The following PAPPA variants were observed in gnomAD, a reference collection of about 807,000 sequenced individuals.
PAPPA encodes pappalysin-1.
A neutral mutation model predicts 164.0 loss-of-function variants in PAPPA; 60 were observed. That is an observed-to-expected ratio of 0.37 (90% CI 0.30 to 0.45). The LOEUF is 0.45. PAPPA is among the 20% of genes least tolerant of loss of function. The pLI, the probability that PAPPA is intolerant of heterozygous loss-of-function variation, is 1.00. For missense variants in PAPPA, 1,782 were observed against 2,087.3 expected (o/e 0.85, Z 2.85); for synonymous variants, 875 against 814.1 (o/e 1.07, Z -1.27).
chr9:116,225,805 G>A (rs1017210157), intron 5 of PAPPA, among the ~76,000 whole-genome samples: 5 of 150,358 alleles, frequency 3.3e-5, no homozygotes, highest in African/African-American at 1.2e-4. Flanking sequence ...TAAGTGACTG[G>A]TATCCATCCA....
intron 10 of PAPPA, among the ~76,000 whole-genome samples, chr9:116,305,073 A>C (rs1360180264): frequency 6.6e-6 from 1 of 150,898 alleles, no homozygotes; most frequent in Non-Finnish European, 1.5e-5. Flanking sequence ...ACACACACAC[A>C]CCCTACCACC....
At chr9:116,269,240 G>A (rs556223870) in intron 8 of PAPPA, among the ~76,000 whole-genome samples, 1 of 152,264 alleles carries the variant, frequency 6.6e-6, no homozygotes, top group East Asian at 1.9e-4. Context: ...AATACACAAA[G>A]AGATTACAGA....
rs985922776 is a variant in PAPPA at position 116,154,821 on chromosome 9, C to G, written c.415+234C>G. Among the ~76,000 whole-genome samples the G allele has an allele frequency of 2.0e-5, 3 of 152,180 alleles. No homozygotes were observed. Among genetic ancestry groups the G allele is most frequent in the African/African-American group, 7.2e-5 (3 of 41,468 alleles). On this transcript the variant is annotated intron_variant, in intron 1 of 21. Transcript: ENST00000328252. The surrounding 1 kb of genome is among the most constrained non-coding windows in gnomAD (Gnocchi z 5.2). Reference sequence around the variant, plus strand: ...CCATCCCTGGGAGGAACCTGGGGAGCCCTCCTGGCGGCCCCGCGGACCCTC... The same window carrying G: ...CCATCCCTGGGAGGAACCTGGGGAGGCCTCCTGGCGGCCCCGCGGACCCTC...
At position 116,235,340 on chromosome 9, in the gene PAPPA, C is replaced by T. The variant is rs369438888; in HGVS notation, c.2435C>T (p.Ala812Val). ...FVSTDWDSSG[A>V]VNDIKLLAVS... ...TCCACTGACTGGGACTCTAGTGGAG[C>T]TGTCAATGACATCAAACTGTTGGCT... Residue 812 changes from alanine to valine, a missense_variant, in exon 7 of 22, where the codon GCT becomes GTT. This residue lies in a region of PAPPA where 1,324 missense variants were observed against 1,656.9 expected (regional missense o/e 0.80). Transcript: ENST00000328252. 37 of 1,613,930 alleles carry T rather than the reference C, an allele frequency of 2.3e-5. No homozygotes were observed. The African/African-American group carries it at 4.3e-4, about 19-fold the overall frequency.
At chr9:116,365,195 G>A (rs951982009) in intron 18 of PAPPA, among the ~76,000 whole-genome samples, 2 of 152,104 alleles carry the variant, frequency 1.3e-5, no homozygotes, top group Non-Finnish European at 2.9e-5. Flanking sequence ...GATATGTGTC[G>A]GGCTTGGGGG....
At chr9:116,289,713 T>G (rs1165029677) in intron 9 of PAPPA, among the ~76,000 whole-genome samples, 2 of 152,138 alleles carry the variant, frequency 1.3e-5, no homozygotes, top group Non-Finnish European at 2.9e-5. Context: ...CAGCAAATAT[T>G]TCTGATTATC....
rs559274640 is a variant in PAPPA, at chr9:116,313,009, G to GGAGGCA, written c.3147+10063_3147+10068dup. Among the ~76,000 whole-genome samples the GGAGGCA allele has an allele frequency of 2.8e-3, 429 of 151,500 alleles. 4 individuals are homozygous for GGAGGCA. Among genetic ancestry groups the GGAGGCA allele is most frequent in the African/African-American group, 0.01 (414 of 41,238 alleles). On this transcript the variant is annotated intron_variant, in intron 10 of 21. Transcript: ENST00000328252. ...GAGGCAGAAGAATGGCGTGAACCCG[G>GGAGGCA]GAGGCAGAGCTTGCAGTGAGCGGAG...
At chr9:116,273,679 C>A (rs1279888309) in intron 9 of PAPPA, among the ~76,000 whole-genome samples, 1 of 152,096 alleles carries the variant, frequency 6.6e-6, no homozygotes, top group Non-Finnish European at 1.5e-5. Flanking sequence ...GAGGCTGAAG[C>A]AGGAGAATCA....
At chr9:116,176,794 A>C (rs1294519245) in intron 1 of PAPPA, among the ~76,000 whole-genome samples, 1 of 152,208 alleles carries the variant, frequency 6.6e-6, no homozygotes, top group Non-Finnish European at 1.5e-5. Flanking sequence ...GTGCATGAAC[A>C]TACACACAAG....
At chr9:116,366,381 C>G (rs1221704266) in intron 18 of PAPPA, among the ~76,000 whole-genome samples, 2 of 152,196 alleles carry the variant, frequency 1.3e-5, no homozygotes, top group Non-Finnish European at 2.9e-5. Context: ...GTAGCCCTAT[C>G]TCTATTAGTC....
intron 5 of PAPPA, among the ~76,000 whole-genome samples, chr9:116,225,506 GC>G (rs1844495281): frequency 6.6e-6 from 1 of 152,118 alleles, no homozygotes; most frequent in South Asian, 2.1e-4. Flanking sequence ...TTGAGATATT[GC>G]TATAGATTTA....
chr9:116,339,085 G>C (rs1376903185), intron 13 of PAPPA, among the ~76,000 whole-genome samples: 1 of 152,144 alleles, frequency 6.6e-6, no homozygotes, highest in African/African-American at 2.4e-5. Flanking sequence ...CAGGAATCCA[G>C]TTATCTTTCC....
chr9:116,217,246 T>A (rs1229466091), intron 4 of PAPPA, among the ~76,000 whole-genome samples: 1 of 152,254 alleles, frequency 6.6e-6, no homozygotes, highest in Admixed American at 6.5e-5. Flanking sequence ...GTGTCATTCA[T>A]CTTGAGAAAT....
intron 12 of PAPPA, 127 bp from the exon 13 acceptor site, chr9:116,334,734 C>T (rs536483505): frequency 3.0e-4 from 195 of 647,102 alleles, no homozygotes; most frequent in South Asian, 1.4e-3. Flanking sequence ...CCTCACCGGC[C>T]GCCCAATGGT....
Position 116,398,910 on chromosome 9 carries a change from T to C in PAPPA, c.*2294T>C, listed in dbSNP as rs1380897243. ...CCAGTATCTTCACACTCTTGTCAAC[T>C]CTCCAGGCCTCTCTCTTGCCCTGAG... On this transcript the variant is annotated 3_prime_UTR_variant, in exon 22 of 22. Transcript: ENST00000328252. 1 of 349,840 alleles carries C rather than the reference T, an allele frequency of 2.9e-6. No individual in the cohort carries two copies. Among genetic ancestry groups the C allele is most frequent in the Non-Finnish European group, 5.6e-6 (1 of 178,582 alleles). The allele number at this position is 349,840 out of a possible 1,614,324, so 21.7% of individuals were successfully genotyped here. A position where few individuals can be genotyped will look rare whatever the true frequency, so the allele number is the denominator to read the frequency against.
chr9:116,276,117 A>G (rs1041147833), intron 9 of PAPPA, among the ~76,000 whole-genome samples: 2 of 152,220 alleles, frequency 1.3e-5, no homozygotes, highest in Admixed American at 1.3e-4. Context: ...TATCAGTAAA[A>G]TGATAACTCT....
chr9:116,244,855 C>T (rs1844777883), intron 7 of PAPPA, among the ~76,000 whole-genome samples: 1 of 152,142 alleles, frequency 6.6e-6, no homozygotes, highest in Non-Finnish European at 1.5e-5. Context: ...AAGATACCTG[C>T]ACCCATATGT....
chr9:116,294,141 C>T (rs760636563), intron 9 of PAPPA, among the ~76,000 whole-genome samples: 1 of 151,930 alleles, frequency 6.6e-6, no homozygotes, highest in Non-Finnish European at 1.5e-5. Context: ...CCTTGATGGG[C>T]CTGAGTGTAG....
intron 9 of PAPPA, among the ~76,000 whole-genome samples, chr9:116,288,048 A>C (rs1231823454): frequency 1.3e-5 from 2 of 152,128 alleles, no homozygotes; most frequent in Admixed American, 1.3e-4. Context: ...TTTGATTGAT[A>C]TTTTCAAATG....
Sources: allele counts gnomAD v4.1 joint callset (sites outside exome capture counted in the v4.1 genomes callset), GRCh38; gene constraint gnomAD v4.1.1; regional missense constraint gnomAD v4.1.1; non-coding constraint Gnocchi (gnomAD v3.1); transcripts MANE v1.5; gene names NCBI Gene and HGNC (gene_info 2026-07-23, HGNC 2026-07-21).